NTNG1: variants seen among roughly 807,000 people sequenced by gnomAD.
NTNG1 encodes the protein netrin-G1.
A neutral mutation model predicts 54.0 loss-of-function variants in NTNG1; 16 were observed. That is an observed-to-expected ratio of 0.30 (90% CI 0.20 to 0.45). The LOEUF is 0.45. Ranked by LOEUF, NTNG1 falls within the 20% of genes least tolerant of loss-of-function variation. The pLI, the probability that NTNG1 is intolerant of heterozygous loss-of-function variation, is 1.00. For missense variants in NTNG1, 530 were observed against 678.7 expected, an observed-to-expected ratio of 0.78 and a Z score of 2.43; for synonymous variants, 255 against 263.1, an observed-to-expected ratio of 0.97 and a Z score of 0.30.
chr1:107,352,347 T>C (rs1414648847), intron 3 of NTNG1, among the ~76,000 whole-genome samples: 1 of 152,026 alleles, frequency 6.6e-6, no homozygotes, highest in African/African-American at 2.4e-5. Context: ...GGCTTTTCCA[T>C]ATATCCTCTG....
intron 3 of NTNG1, among the ~76,000 whole-genome samples, chr1:107,353,535 G>GC (rs1669757792): frequency 6.6e-6 from 1 of 151,966 alleles, no homozygotes. Flanking sequence ...TGTCACAACA[G>GC]CTTAGCAAAT....
At chr1:107,467,969 T>A (rs1677714171) in intron 7 of NTNG1, among the ~76,000 whole-genome samples, 1 of 152,216 alleles carries the variant, frequency 6.6e-6, no homozygotes, top group Non-Finnish European at 1.5e-5. Flanking sequence ...TCATTTTGCC[T>A]TGACATTGGC....
At chr1:107,393,442 A>G (rs2101082088) in intron 3 of NTNG1, among the ~76,000 whole-genome samples, 1 of 152,312 alleles carries the variant, frequency 6.6e-6, no homozygotes, top group East Asian at 1.9e-4. Context: ...CCTAGCTCAT[A>G]ATTAAACATT....
intron 2 of NTNG1, among the ~76,000 whole-genome samples, chr1:107,216,456 C>G (rs1186358956): frequency 2.0e-5 from 3 of 152,058 alleles, no homozygotes; most frequent in Non-Finnish European, 4.4e-5. Context: ...CATTTATTGA[C>G]CTGCAGATGT....
At chr1:107,455,276 C>T (rs1036965453) in intron 7 of NTNG1, among the ~76,000 whole-genome samples, 1 of 152,194 alleles carries the variant, frequency 6.6e-6, no homozygotes, top group African/African-American at 2.4e-5. Flanking sequence ...GTTGGTCAGG[C>T]TGGTGTCGAA....
chr1:107,294,364 C>G (rs1665810430), intron 2 of NTNG1, among the ~76,000 whole-genome samples: 1 of 152,164 alleles, frequency 6.6e-6, no homozygotes. Flanking sequence ...TGTTGCACCC[C>G]CGAGGGAGTC....
intron 7 of NTNG1, among the ~76,000 whole-genome samples, chr1:107,464,757 C>T (rs1677497847): frequency 6.6e-6 from 1 of 152,146 alleles, no homozygotes; most frequent in Admixed American, 6.5e-5. Flanking sequence ...GCCTTCCACC[C>T]TCCTGCACCT....
At chr1:107,166,728 A>T (rs1336183182) in intron 2 of NTNG1, among the ~76,000 whole-genome samples, 1 of 152,054 alleles carries the variant, frequency 6.6e-6, no homozygotes, top group Admixed American at 6.5e-5. Context: ...GAAACAATTG[A>T]CTGTGAAACC....
intron 2 of NTNG1, among the ~76,000 whole-genome samples, chr1:107,229,919 G>T (rs921668291): frequency 6.6e-6 from 1 of 152,012 alleles, no homozygotes; most frequent in Non-Finnish European, 1.5e-5. Context: ...GAGTTGCTCT[G>T]CTTTGTAATC....
At chr1:107,420,060 A>G (rs1674480598) in intron 5 of NTNG1, among the ~76,000 whole-genome samples, 1 of 152,042 alleles carries the variant, frequency 6.6e-6, no homozygotes, top group African/African-American at 2.4e-5. Flanking sequence ...AGTATTTCCT[A>G]TTGAATTTCA....
At chr1:107,308,719 A>G (rs900730058) in intron 2 of NTNG1, among the ~76,000 whole-genome samples, 2 of 152,182 alleles carry the variant, frequency 1.3e-5, no homozygotes, top group Non-Finnish European at 2.9e-5. Context: ...TAGAAATAGC[A>G]CTGCATCTGT....
chr1:107,414,929 A>T (rs1487729377), intron 5 of NTNG1, among the ~76,000 whole-genome samples: 1 of 152,166 alleles, frequency 6.6e-6, no homozygotes, highest in African/African-American at 2.4e-5. Context: ...AAATAAATTT[A>T]TCCTAAATAG....
At chr1:107,264,961 TCACCTGCTGTTGAG>T (rs1481309783) in intron 2 of NTNG1, among the ~76,000 whole-genome samples, 1 of 152,234 alleles carries the variant, frequency 6.6e-6, no homozygotes, top group African/African-American at 2.4e-5. Flanking sequence ...TTGGCCTCTC[TCACCTGCTGTTGAG>T]CACCTTGGCT....
intron 7 of NTNG1, among the ~76,000 whole-genome samples, chr1:107,474,975 A>T (rs541292803): frequency 6.6e-6 from 1 of 152,302 alleles, no homozygotes; most frequent in South Asian, 2.1e-4. Context: ...AAATGCAGAC[A>T]TATTTGCCAT....
chr1:107,362,483 G>C (rs747813784), intron 3 of NTNG1, among the ~76,000 whole-genome samples: 1 of 152,166 alleles, frequency 6.6e-6, no homozygotes, highest in Non-Finnish European at 1.5e-5. Context: ...TCCACTATGG[G>C]GTTGCCGGAT....
chr1:107,189,982 T>A (rs943730556), intron 2 of NTNG1, among the ~76,000 whole-genome samples: 1 of 152,102 alleles, frequency 6.6e-6, no homozygotes, highest in Non-Finnish European at 1.5e-5. Context: ...AATATTAGCC[T>A]TAAAAAAGAA....
rs199789100 is a variant in NTNG1 at position 107,290,963 on chromosome 1, T to TATATTATATA, written c.247-33319_247-33318insATATTATATA. Among the ~76,000 whole-genome samples, 65 of 142,522 alleles carry TATATTATATA rather than the reference T, an allele frequency of 4.6e-4. No individual in the cohort carries two copies. The South Asian group carries it at 4.9e-3, about 11-fold the overall frequency. 93.5% of individuals were successfully genotyped at this position (142,522 alleles called of 152,430 possible). A position where few individuals can be genotyped will look rare whatever the true frequency, so the allele number is the denominator to read the frequency against. ...ATATTTTAAAGTGCATATATATATA[T>TATATTATATA]TATATATATATATATATATATACAC... On this transcript the variant is annotated intron_variant, in intron 2 of 7. Coordinates refer to ENST00000370068, the MANE Select transcript of NTNG1 (RefSeq NM_001113226.3).
chr1:107,324,149 AG>A (rs1667810058), intron 2 of NTNG1, 132 bp from the exon 3 acceptor site: 1 of 754,394 alleles, frequency 1.3e-6, no homozygotes, highest in Non-Finnish European at 2.2e-6. Flanking sequence ...GAATCCAGTT[AG>A]GGCAAATAAA....
intron 5 of NTNG1, among the ~76,000 whole-genome samples, chr1:107,430,177 G>A (rs887062819): frequency 1.1e-4 from 17 of 152,122 alleles, no homozygotes; most frequent in African/African-American, 4.1e-4. Flanking sequence ...TCTTCTCTTA[G>A]CATTGGGGAA....
Sources: allele counts gnomAD v4.1 joint callset (sites outside exome capture counted in the v4.1 genomes callset), GRCh38; gene constraint gnomAD v4.1.1; transcripts MANE v1.5; gene names NCBI Gene and HGNC (gene_info 2026-07-23, HGNC 2026-07-21).